Variants in PTPRS observed in about 807,000 individuals in gnomAD.
PTPRS encodes the protein receptor-type tyrosine-protein phosphatase S.
PTPRS carries 63 observed loss-of-function variants against 215.3 expected under a neutral mutation model. The ratio of observed to expected loss-of-function variants is 0.29; its 90% confidence interval spans 0.24 to 0.36. The LOEUF is 0.36. Ranked by LOEUF, PTPRS falls within the 10% of genes least tolerant of loss-of-function variation. PTPRS has a pLI of 1.00. For missense variants in PTPRS, 2,258 were observed against 2,825.8 expected, an observed-to-expected ratio of 0.80 and a Z score of 4.56; for synonymous variants, 1,404 against 1,191.4, an observed-to-expected ratio of 1.18 and a Z score of -3.68.
chr19:5,226,377 G>A (rs568856046), intron 16 of PTPRS, among the ~76,000 whole-genome samples: 148 of 152,322 alleles, frequency 9.7e-4, no homozygotes, highest in Middle Eastern at 6.8e-3. Flanking sequence ...CATGAGAGCC[G>A]CTGGTTAAAT....
chr19:5,292,231 T>C (rs1290967260), intron 1 of PTPRS, among the ~76,000 whole-genome samples: 2 of 152,290 alleles, frequency 1.3e-5, no homozygotes, highest in African/African-American at 4.8e-5. Flanking sequence ...CCTGGCACTT[T>C]ATCCACAGCA....
intron 1 of PTPRS, among the ~76,000 whole-genome samples, chr19:5,289,061 G>A (rs1204760526): frequency 1.3e-5 from 2 of 152,266 alleles, no homozygotes; most frequent in East Asian, 3.9e-4. Flanking sequence ...GGTGGTGGGA[G>A]GGGCCCAGGG....
rs1052227438 is a variant in PTPRS at position 5,237,856 on chromosome 19, G to A, written c.1849+1063C>T. On this transcript the variant is annotated intron_variant, in intron 13 of 37. Coordinates refer to ENST00000262963, the MANE Select transcript of PTPRS (RefSeq NM_002850.4). The surrounding 1 kb of genome is among the most constrained non-coding windows in gnomAD (Gnocchi z 4.2). ...GAAGGAGGGAAGGGGGCCGGCGGGGGCAGGGGGGTTGTGTCTCCGAGGCGC... is the reference window on the plus strand; with the variant it reads ...GAAGGAGGGAAGGGGGCCGGCGGGGACAGGGGGGTTGTGTCTCCGAGGCGC... Among the ~76,000 whole-genome samples the A allele has an allele frequency of 2.0e-5, 3 of 152,058 alleles. No homozygotes were observed. Among genetic ancestry groups the A allele is most frequent in the Non-Finnish European group, 4.4e-5 (3 of 68,006 alleles).
chr19:5,257,615 A>G lies in PTPRS; in HGVS notation c.706+402T>C, dbSNP rs1430062299. On this transcript the variant is annotated intron_variant, in intron 8 of 37. Coordinates refer to ENST00000262963, the MANE Select transcript of PTPRS (RefSeq NM_002850.4). The surrounding 1 kb of genome is among the most constrained non-coding windows in gnomAD (Gnocchi z 4.4). ...AAGCAAAGCCAGCACACAGCACGGGAAGGCACGACACACCACAGAAGCCAA... is the reference window on the plus strand; with the variant it reads ...AAGCAAAGCCAGCACACAGCACGGGGAGGCACGACACACCACAGAAGCCAA... Among the ~76,000 whole-genome samples, 1 of 152,074 alleles carries G rather than the reference A, an allele frequency of 6.6e-6. No individual in the cohort carries two copies. Among genetic ancestry groups the G allele is most frequent in the African/African-American group, 2.4e-5 (1 of 41,402 alleles).
intron 1 of PTPRS, among the ~76,000 whole-genome samples, chr19:5,336,209 G>T (rs546944584): frequency 1.1e-3 from 122 of 114,060 alleles, no homozygotes; most frequent in Non-Finnish European, 1.6e-3. Flanking sequence ...GGTACGTCGG[G>T]TTTTTTTTTT....
rs1259133629 is a variant in PTPRS at position 5,220,930 on chromosome 19, G to A, written c.3455+70C>T. 31 of 1,518,570 alleles carry A rather than the reference G, an allele frequency of 2.0e-5. No individual in the cohort carries two copies. The East Asian group carries it at 3.2e-4, about 16-fold the overall frequency. 94.1% of individuals were successfully genotyped at this position (1,518,570 alleles called of 1,614,324 possible). A position where few individuals can be genotyped will look rare whatever the true frequency, so the allele number is the denominator to read the frequency against. ...GGAAATTGAGGCACAGAGAGGGCACGTGGCTTGCCCCAGCCATATAGTAGG... is the reference window on the plus strand; with the variant it reads ...GGAAATTGAGGCACAGAGAGGGCACATGGCTTGCCCCAGCCATATAGTAGG... On this transcript the variant is annotated intron_variant, in intron 20 of 37. Transcript: ENST00000262963.
rs923663988 is a variant in PTPRS, at chr19:5,338,552, G to A, written c.-95+2112C>T. ...GGATGCCCAGGTGGGGACTCAGTCAGGCCCAAGCTGGGGGGCTGTGGGATT... is the reference window on the plus strand; with the variant it reads ...GGATGCCCAGGTGGGGACTCAGTCAAGCCCAAGCTGGGGGGCTGTGGGATT... On this transcript the variant is annotated intron_variant, in intron 1 of 37. Transcript: ENST00000262963. The surrounding 1 kb of genome is among the most constrained non-coding windows in gnomAD (Gnocchi z 4.2). Among the ~76,000 whole-genome samples the A allele has an allele frequency of 6.6e-6, 1 of 152,180 alleles. No individual in the cohort carries two copies. The highest frequency in any genetic ancestry group is 2.4e-5 in the African/African-American group (1 of 41,450).
intron 23 of PTPRS, 69 bp downstream of exon 23, chr19:5,219,241 A>G: frequency 1.4e-5 from 22 of 1,580,680 alleles, no homozygotes; most frequent in Non-Finnish European, 1.8e-5. Flanking sequence ...TCTCTGAGAC[A>G]ACTCCTCCCT....
intron 2 of PTPRS, among the ~76,000 whole-genome samples, chr19:5,280,010 T>G (rs1021372490): frequency 2.0e-5 from 3 of 152,208 alleles, no homozygotes; most frequent in African/African-American, 7.2e-5. Context: ...ATAAAATTGC[T>G]TAAATAAAAA....
chr19:5,211,209 G>C (rs988598263), intron 33 of PTPRS, among the ~76,000 whole-genome samples: 35 of 152,202 alleles, frequency 2.3e-4, no homozygotes, highest in African/African-American at 8.2e-4. Flanking sequence ...CAGTGCTATT[G>C]ACATTTGGCG....
intron 19 of PTPRS, 106 bp downstream of exon 19, chr19:5,222,017 G>A (rs1156328771): frequency 6.8e-6 from 6 of 885,740 alleles, no homozygotes; most frequent in Non-Finnish European, 1.1e-5. Context: ...CTCTGACTGA[G>A]CCCTGATCCC....
rs371849563 is a variant in PTPRS at position 5,223,275 on chromosome 19, C to T, written c.2517G>A (p.Ser839=). ...KGAVLGRPTL[S]VQQTPEGSLL... ...GGCTGCCCTCGGGGGTCTGCTGCAC[C>T]GACAGGGTTGGGCGGCCCAGCACTG... Residue 839 remains serine (S), a synonymous_variant, in exon 18 of 38, where the codon TCG becomes TCA. Transcript: ENST00000262963. 616 of 1,467,830 alleles carry T rather than the reference C, an allele frequency of 4.2e-4. No homozygotes were observed. Among genetic ancestry groups the T allele is most frequent in the South Asian group, 9.1e-4 (64 of 70,286 alleles). 90.9% of individuals were successfully genotyped at this position (1,467,830 alleles called of 1,614,324 possible). A position where few individuals can be genotyped will look rare whatever the true frequency, so the allele number is the denominator to read the frequency against.
At chr19:5,212,912 T>C (rs8107943) in intron 30 of PTPRS, among the ~76,000 whole-genome samples, 126,038 of 151,574 alleles carry the variant, frequency 0.83, 53,010 homozygotes, top group African/African-American at 0.96. Flanking sequence ...GGGCTCTAGC[T>C]GGCCCTGGAC....
rs34897765 is a variant in PTPRS at position 5,244,983 on chromosome 19, CT to C, written c.989-502del. 0.075 allele frequency among the ~76,000 whole-genome samples: 8,077 copies of C among 108,056 alleles called. 773 individuals carry two copies. Among genetic ancestry groups the C allele is most frequent in the African/African-American group, 0.25 (7,280 of 29,694 alleles). 70.9% of individuals were successfully genotyped at this position (108,056 alleles called of 152,430 possible). A position where few individuals can be genotyped will look rare whatever the true frequency, so the allele number is the denominator to read the frequency against. On this transcript the variant is annotated intron_variant, in intron 10 of 37. Transcript: ENST00000262963. This position sits in a 1 kb window ranked among gnomAD's most constrained non-coding sequence, Gnocchi z 7.2. ...GCACCCGGCCTTTTTTTTCTTTTTTCTTTTTTTTTTTTTTTAGACGGAGCCT... is the reference window on the plus strand; with the variant it reads ...GCACCCGGCCTTTTTTTTCTTTTTTCTTTTTTTTTTTTTTAGACGGAGCCT...
chr19:5,269,770 A>T (rs761558545), intron 4 of PTPRS, among the ~76,000 whole-genome samples: 10 of 151,968 alleles, frequency 6.6e-5, no homozygotes, highest in East Asian at 5.8e-4. Flanking sequence ...AAAATACAAA[A>T]ATTAGCTGGG....
At chr19:5,278,743 G>A (rs1432153882) in intron 2 of PTPRS, among the ~76,000 whole-genome samples, 3 of 151,976 alleles carry the variant, frequency 2.0e-5, no homozygotes, top group Non-Finnish European at 4.4e-5. Context: ...CCAAAGTGCT[G>A]GGATTACAGG....
chr19:5,292,813 G>C (rs1195185199), intron 1 of PTPRS: 1 of 152,156 alleles, frequency 6.6e-6, no homozygotes, highest in East Asian at 1.9e-4. Flanking sequence ...AGCGAAGGCT[G>C]CCCCGCGCCT....
In PTPRS at chr19:5,229,322, G is replaced by T. The variant is rs771133383; in HGVS notation, c.2370C>A (p.Ala790=). ...ADAQWETDDT[A]EYEMVITNLQ... ...GGCCAGGGGCGCTACTTACATATTC[G>T]GCCGTGTCATCCGTCTCCCACTGAG... is the stretch of plus-strand genomic sequence containing the variant. The change falls in exon 16 of 38, where the codon GCC becomes GCA. Residue 790 remains alanine (A), a synonymous_variant. Coordinates refer to ENST00000262963, the MANE Select transcript of PTPRS (RefSeq NM_002850.4). The T allele has an allele frequency of 8.0e-6, 11 of 1,376,176 alleles. No individual in the cohort carries two copies. Among genetic ancestry groups the T allele is most frequent in the Non-Finnish European group, 9.4e-6 (10 of 1,059,658 alleles). The allele number at this position is 1,376,176 out of a possible 1,614,324, so 85.2% of individuals were successfully genotyped here. A position where few individuals can be genotyped will look rare whatever the true frequency, so the allele number is the denominator to read the frequency against.
At position 5,339,785 on chromosome 19, in the gene PTPRS, G is replaced by A. The variant is rs1479227866; in HGVS notation, c.-95+879C>T. Reference sequence around the variant, plus strand: ...CCCCCCGCAGCCCCCGGGGGCTCCCGGGGCGTGCGGAACCCGCGGGGCTGG... The same window carrying A: ...CCCCCCGCAGCCCCCGGGGGCTCCCAGGGCGTGCGGAACCCGCGGGGCTGG... On this transcript the variant is annotated intron_variant, in intron 1 of 37. Coordinates refer to ENST00000262963, the MANE Select transcript of PTPRS (RefSeq NM_002850.4). This position sits in a 1 kb window ranked among gnomAD's most constrained non-coding sequence, Gnocchi z 4.2. 6.6e-6 allele frequency among the ~76,000 whole-genome samples: 1 copy of A among 151,534 alleles called. No homozygotes were observed. The highest frequency in any genetic ancestry group is 2.4e-5 in the African/African-American group (1 of 41,302).
Sources: allele counts gnomAD v4.1 joint callset (sites outside exome capture counted in the v4.1 genomes callset), GRCh38; gene constraint gnomAD v4.1.1; non-coding constraint Gnocchi (gnomAD v3.1); transcripts MANE v1.5; gene names NCBI Gene and HGNC (gene_info 2026-07-23, HGNC 2026-07-21).